The following SLC35F4 variants were observed in gnomAD, a reference collection of about 807,000 sequenced individuals.
The protein encoded by SLC35F4 is solute carrier family 35 member F4, also known as chromosome 14 open reading frame 36.
SLC35F4 carries 24 observed loss-of-function variants against 44.2 expected under a neutral mutation model. The ratio of observed to expected loss-of-function variants is 0.54; its 90% CI spans 0.39 to 0.76. The LOEUF is 0.76. Among genes scored for constraint, SLC35F4 ranks in the 30% least tolerant of loss-of-function variants. The pLI, the probability that SLC35F4 is intolerant of heterozygous loss-of-function variation, is 0.00. For missense variants in SLC35F4, 562 were observed against 586.1 expected (o/e 0.96, Z 0.42); for synonymous variants, 238 against 223.6 (o/e 1.06, Z -0.57).
At chr14:57,763,351 T>C (rs1194222868) in intron 1 of SLC35F4, among the ~76,000 whole-genome samples, 1 of 152,158 alleles carries the variant, frequency 6.6e-6, no homozygotes, top group Non-Finnish European at 1.5e-5. Context: ...TTAGCACAAC[T>C]AAGACATACT....
upstream of SLC35F4, among the ~76,000 whole-genome samples, chr14:57,869,909 A>T (rs76057639): frequency 6.6e-6 from 1 of 152,122 alleles, no homozygotes; most frequent in Non-Finnish European, 1.5e-5. Context: ...AATAGTAGGC[A>T]ATGGCAGACA....
At chr14:57,789,294 TA>T (rs1414772645) in intron 1 of SLC35F4, among the ~76,000 whole-genome samples, 1 of 151,814 alleles carries the variant, frequency 6.6e-6, no homozygotes, top group Non-Finnish European at 1.5e-5. Context: ...ATAGATGCAA[TA>T]AAAAATGATA....
At chr14:57,693,283 G>A (rs1235885001) in intron 1 of SLC35F4, among the ~76,000 whole-genome samples, 2 of 152,174 alleles carry the variant, frequency 1.3e-5, no homozygotes, top group Non-Finnish European at 2.9e-5. Context: ...ATTATTTGTT[G>A]TTGGTAATAG....
chr14:57,627,834 T>G (rs1477048495), intron 1 of SLC35F4, among the ~76,000 whole-genome samples: 1 of 152,086 alleles, frequency 6.6e-6, no homozygotes, highest in Non-Finnish European at 1.5e-5. Context: ...TCCAATGTTT[T>G]AGTCTTTAAG....
At chr14:57,759,685 T>C (rs1032501192) in intron 1 of SLC35F4, among the ~76,000 whole-genome samples, 7 of 152,218 alleles carry the variant, frequency 4.6e-5, no homozygotes, top group African/African-American at 1.7e-4. Context: ...CTCCAAACTC[T>C]TGCCAACACT....
chr14:57,904,242 C>T (rs925625162), intron 1 of SLC35F4, among the ~76,000 whole-genome samples: 2 of 152,146 alleles, frequency 1.3e-5, no homozygotes, highest in Admixed American at 6.5e-5. Flanking sequence ...TAAAGTTATA[C>T]TAATGTGCAT....
Position 57,729,842 on chromosome 14 carries a change from C to T in SLC35F4, c.104-135718G>A, listed in dbSNP as rs141024040. Among the ~76,000 whole-genome samples the T allele has an allele frequency of 9.8e-3, 1,496 of 152,308 alleles. 5 individuals carry two copies. Among genetic ancestry groups the T allele is most frequent in the Middle Eastern group, 0.041 (12 of 294 alleles). On this transcript the variant is annotated intron_variant, in intron 1 of 7. Coordinates refer to ENST00000556826, the MANE Select transcript of SLC35F4 (RefSeq NM_001306087.2). ...GTTTACCTGGGACCCCAGAGCACTT[C>T]AGGCCACAGTGGTAAGTCTTGCCAA...
chr14:57,890,812 T>C (rs1480114872), intron 1 of SLC35F4, among the ~76,000 whole-genome samples: 1 of 152,230 alleles, frequency 6.6e-6, no homozygotes, highest in African/African-American at 2.4e-5. Flanking sequence ...TGAATGTCTG[T>C]AGATACTGTT....
intron 1 of SLC35F4, among the ~76,000 whole-genome samples, chr14:57,647,408 G>T (rs2073580994): frequency 6.6e-6 from 1 of 151,990 alleles, no homozygotes; most frequent in Non-Finnish European, 1.5e-5. Context: ...GATCTTTGTT[G>T]GTTTGAAGTC....
intron 4 of SLC35F4, among the ~76,000 whole-genome samples, chr14:57,572,368 C>G (rs1322584628): frequency 6.6e-6 from 1 of 152,038 alleles, no homozygotes; most frequent in Non-Finnish European, 1.5e-5. Context: ...CACTTCTAAG[C>G]GTTTTCATCT....
intron 1 of SLC35F4, among the ~76,000 whole-genome samples, chr14:57,599,361 G>A (rs2070678828): frequency 6.6e-6 from 1 of 152,182 alleles, no homozygotes; most frequent in Non-Finnish European, 1.5e-5. Context: ...GCCAATATCA[G>A]ACCCATTGAG....
chr14:57,779,347 A>C (rs1440797236), intron 1 of SLC35F4, among the ~76,000 whole-genome samples: 1 of 152,212 alleles, frequency 6.6e-6, no homozygotes, highest in Non-Finnish European at 1.5e-5. Flanking sequence ...AGAGACTACT[A>C]TGAACATCTC....
intron 1 of SLC35F4, among the ~76,000 whole-genome samples, chr14:57,845,228 A>G (rs1885903988): frequency 6.6e-6 from 1 of 152,156 alleles, no homozygotes. Flanking sequence ...TCTCTAGTGG[A>G]GTATGGATTT....
intron 1 of SLC35F4, among the ~76,000 whole-genome samples, chr14:57,667,596 G>A (rs1037376666): frequency 5.4e-5 from 8 of 148,854 alleles, no homozygotes; most frequent in African/African-American, 1.5e-4. Context: ...TTGGTTTTTT[G>A]TCCTTGTGAT....
intron 1 of SLC35F4, among the ~76,000 whole-genome samples, chr14:57,948,602 C>T (rs528124612): frequency 3.3e-5 from 5 of 151,904 alleles, no homozygotes; most frequent in Non-Finnish European, 5.9e-5. Context: ...TCTTGTTTAT[C>T]TAGTTCCTTG....
At chr14:57,668,708 G>A (rs1455218315) in intron 1 of SLC35F4, among the ~76,000 whole-genome samples, 1 of 152,076 alleles carries the variant, frequency 6.6e-6, no homozygotes, top group African/African-American at 2.4e-5. Flanking sequence ...TTTAGTACCA[G>A]TACCATGCTG....
intron 1 of SLC35F4, among the ~76,000 whole-genome samples, chr14:57,697,325 T>C (rs1311577293): frequency 6.6e-6 from 1 of 152,160 alleles, no homozygotes; most frequent in Non-Finnish European, 1.5e-5. Flanking sequence ...TCAAAGAGCA[T>C]AATTAGCATA....
intron 1 of SLC35F4, among the ~76,000 whole-genome samples, chr14:57,831,391 T>C (rs1165901383): frequency 6.6e-6 from 1 of 152,180 alleles, no homozygotes; most frequent in Non-Finnish European, 1.5e-5. Flanking sequence ...GAATCTTTGG[T>C]ATTTTGTGAT....
intron 1 of SLC35F4, among the ~76,000 whole-genome samples, chr14:57,871,360 C>T (rs1364339220): frequency 6.6e-6 from 1 of 152,168 alleles, no homozygotes; most frequent in African/African-American, 2.4e-5. Context: ...TTGCATTTCC[C>T]ACTATTTTTA....
Sources: allele counts gnomAD v4.1 joint callset (sites outside exome capture counted in the v4.1 genomes callset), GRCh38; gene constraint gnomAD v4.1.1; transcripts MANE v1.5; gene names NCBI Gene and HGNC (gene_info 2026-07-23, HGNC 2026-07-21).